The following SLC4A8 variants were observed in gnomAD, a reference collection of about 807,000 sequenced individuals.
SLC4A8 encodes electroneutral sodium bicarbonate exchanger 1.
In SLC4A8, 40 loss-of-function variants were observed where a neutral mutation model predicts 125.0. That is an observed-to-expected ratio of 0.32 (90% CI 0.25 to 0.42). The LOEUF (loss-of-function observed/expected upper bound fraction) is 0.42. Ranked by LOEUF, SLC4A8 falls within the 10% of genes least tolerant of loss-of-function variation. SLC4A8 has a pLI of 1.00. For missense variants in SLC4A8, 863 were observed against 1,355.1 expected (o/e 0.64, Z 5.70); for synonymous variants, 456 against 476.0 (o/e 0.96, Z 0.55).
At chr12:51,450,648 C>A in intron 2 of SLC4A8, 2 of 521,668 alleles carry the variant, frequency 3.8e-6, no homozygotes, top group Non-Finnish European at 6.8e-6. Context: ...TCAGTCTTCA[C>A]AAGATCCCTG....
At chr12:51,457,267 C>A in intron 5 of SLC4A8, 84 bp from the exon 6 acceptor site, 1 of 1,162,434 alleles carries the variant, frequency 8.6e-7, no homozygotes, top group Non-Finnish European at 1.2e-6. Flanking sequence ...TACTCCATGC[C>A]CTTTACCCCA....
intron 1 of SLC4A8, among the ~76,000 whole-genome samples, chr12:51,411,136 G>T (rs1468814086): frequency 6.6e-6 from 1 of 150,412 alleles, no homozygotes; most frequent in Non-Finnish European, 1.5e-5. Context: ...ATCAATGGAG[G>T]TTATTTATTC....
rs1297178007 is a variant in SLC4A8 at position 51,505,968 on chromosome 12, T to C, written c.3269+38T>C. 12 of 1,000,640 alleles carry C rather than the reference T, an allele frequency of 1.2e-5. No individual in the cohort carries two copies. In the East Asian group the frequency reaches 2.7e-4, roughly 23 times the overall value. 62.0% of individuals were successfully genotyped at this position (1,000,640 alleles called of 1,614,324 possible). ...GTAACATCTGGTTTTTATTTATTTC[T>C]GGCTTTTGACAATGGCGATATTGAA... On this transcript the variant is annotated intron_variant, in intron 24 of 24. Coordinates refer to ENST00000453097, the MANE Select transcript of SLC4A8 (RefSeq NM_001039960.3).
chr12:51,477,115 G>T (rs1950880417), intron 16 of SLC4A8, among the ~76,000 whole-genome samples: 1 of 151,780 alleles, frequency 6.6e-6, no homozygotes, highest in African/African-American at 2.4e-5. Flanking sequence ...TGTTGGTTAG[G>T]CTGGTCTCGA....
intron 1 of SLC4A8, among the ~76,000 whole-genome samples, chr12:51,396,493 T>A (rs372609076): frequency 8.0e-5 from 2 of 25,134 alleles, no homozygotes; most frequent in African/African-American, 2.6e-4. Flanking sequence ...TGCAATATTT[T>A]AAAAAAATCA....
chr12:51,405,849 G>A (rs1948475646), intron 1 of SLC4A8, among the ~76,000 whole-genome samples: 1 of 152,342 alleles, frequency 6.6e-6, no homozygotes, highest in Non-Finnish European at 1.5e-5. Flanking sequence ...TGTCAACTAG[G>A]AGAGTGATGA....
chr12:51,450,728 TG>T, intron 2 of SLC4A8, 147 bp from the exon 3 acceptor site: 1 of 802,766 alleles, frequency 1.2e-6, no homozygotes, highest in African/African-American at 1.8e-5. Context: ...TCTTTACTCC[TG>T]GAAGTCTTTG....
upstream of SLC4A8, among the ~76,000 whole-genome samples, chr12:51,424,048 AAAAAAC>A (rs1948866640): frequency 1.9e-5 from 1 of 51,918 alleles, no homozygotes; most frequent in African/African-American, 6.1e-5. Context: ...AAAAAAAAAA[AAAAAAC>A]AAAAAAAACA....
Position 51,461,301 on chromosome 12 carries a change from A to G in SLC4A8, c.1101+10A>G, listed in dbSNP as rs761516137. 5.9e-6 allele frequency: 9 copies of G among 1,525,228 alleles called. No homozygotes were observed. The highest frequency in any genetic ancestry group is 8.2e-6 in the Non-Finnish European group (9 of 1,099,400). 94.5% of individuals were successfully genotyped at this position (1,525,228 alleles called of 1,614,324 possible). On this transcript the variant is annotated intron_variant, in intron 9 of 24. Transcript: ENST00000453097. Reference sequence around the variant, plus strand: ...CATCATGACAGATGAGGTATGTGCAACTTTTGCTTCAGTCTTCCATCTCAT... The same window carrying G: ...CATCATGACAGATGAGGTATGTGCAGCTTTTGCTTCAGTCTTCCATCTCAT...
chr12:51,510,512 C>T lies in SLC4A8; in HGVS notation c.*3074C>T, dbSNP rs1253323358. ...AATGATATATCAATTTGAAGTTTCT[C>T]GACCTTTCCATCAAGGATCTTGAAT... On this transcript the variant is annotated 3_prime_UTR_variant, in exon 25 of 25. Transcript: ENST00000453097. 3.3e-5 allele frequency: 5 copies of T among 151,550 alleles called. No homozygotes were observed. The highest frequency in any genetic ancestry group is 2.1e-4 in the South Asian group (1 of 4,794). The allele number at this position is 151,550 out of a possible 1,614,324, so 9.4% of individuals were successfully genotyped here.
chr12:51,397,920 T>G (rs769557805), intron 1 of SLC4A8, among the ~76,000 whole-genome samples: 2 of 151,906 alleles, frequency 1.3e-5, no homozygotes, highest in Non-Finnish European at 2.9e-5. Flanking sequence ...GTACAAAAAT[T>G]AGCCAGGCAT....
intron 1 of SLC4A8, among the ~76,000 whole-genome samples, chr12:51,401,698 A>G (rs566834574): frequency 6.6e-6 from 1 of 152,068 alleles, no homozygotes; most frequent in South Asian, 2.1e-4. Context: ...GGTCTTGGGA[A>G]ATGCAACGTT....
At chr12:51,489,260 C>T (rs1951240115) in intron 18 of SLC4A8, among the ~76,000 whole-genome samples, 1 of 152,040 alleles carries the variant, frequency 6.6e-6, no homozygotes, top group African/African-American at 2.4e-5. Flanking sequence ...AACTGGAACC[C>T]TAGGATCCTA....
At chr12:51,447,068 G>A (rs12230316) in intron 2 of SLC4A8, among the ~76,000 whole-genome samples, 71,320 of 148,684 alleles carry the variant, frequency 0.48, 17,496 homozygotes, top group Non-Finnish European at 0.53. Context: ...CTATCTATCT[G>A]TCTATCTATC....
At chr12:51,448,598 C>T (rs1362177518) in intron 2 of SLC4A8, among the ~76,000 whole-genome samples, 1 of 152,186 alleles carries the variant, frequency 6.6e-6, no homozygotes, top group Non-Finnish European at 1.5e-5. Context: ...TGGAGCAGCA[C>T]AGTCAGAGTA....
chr12:51,462,493 C>T (rs745776866), intron 10 of SLC4A8, 37 bp downstream of exon 10: 1 of 1,510,306 alleles, frequency 6.6e-7, no homozygotes, highest in South Asian at 1.3e-5. Flanking sequence ...GCTATTGTCA[C>T]TTACTGACTG....
upstream of SLC4A8, among the ~76,000 whole-genome samples, chr12:51,422,838 C>T (rs1948822099): frequency 6.6e-6 from 1 of 152,222 alleles, no homozygotes; most frequent in Non-Finnish European, 1.5e-5. Flanking sequence ...CCCATGTTTT[C>T]AGACTTAGCT....
At chr12:51,488,049 A>G (rs1770144415) in intron 17 of SLC4A8, among the ~76,000 whole-genome samples, 1 of 152,332 alleles carries the variant, frequency 6.6e-6, no homozygotes, top group East Asian at 1.9e-4. Context: ...CTCTACACAG[A>G]GGTTTGGAAA....
intron 19 of SLC4A8, among the ~76,000 whole-genome samples, chr12:51,493,004 ATATT>A (rs1277279981): frequency 6.6e-6 from 1 of 152,130 alleles, no homozygotes; most frequent in African/African-American, 2.4e-5. Flanking sequence ...AGATTTGAGA[ATATT>A]TATATAGTCC....
Sources: allele counts gnomAD v4.1 joint callset (sites outside exome capture counted in the v4.1 genomes callset), GRCh38; gene constraint gnomAD v4.1.1; transcripts MANE v1.5; gene names NCBI Gene and HGNC (gene_info 2026-07-23, HGNC 2026-07-21).